The following KIF1B variants were observed in gnomAD, a reference collection of about 807,000 sequenced individuals.
KIF1B encodes kinesin-like protein KIF1B.
In KIF1B, 76 loss-of-function variants were observed where a neutral mutation model predicts 241.9. That is an observed-to-expected ratio of 0.31 (90% CI 0.26 to 0.38). The LOEUF (loss-of-function observed/expected upper bound fraction) is 0.38. Among genes scored for constraint, KIF1B ranks in the 10% least tolerant of loss-of-function variants. The pLI, the probability that KIF1B is intolerant of heterozygous loss-of-function variation, is 1.00. For missense variants in KIF1B, 1,622 were observed against 2,271.4 expected (o/e 0.71, Z 5.81); for synonymous variants, 750 against 796.7 (o/e 0.94, Z 0.99).
intron 5 of KIF1B, among the ~76,000 whole-genome samples, chr1:10,263,796 G>C (rs1312293189): frequency 6.6e-6 from 1 of 152,130 alleles, no homozygotes; most frequent in Non-Finnish European, 1.5e-5. Context: ...GGCTTAACTT[G>C]GAGTGGAGCA....
chr1:10,339,168 A>G (rs1469802701), intron 31 of KIF1B, among the ~76,000 whole-genome samples: 2 of 152,294 alleles, frequency 1.3e-5, no homozygotes, highest in East Asian at 1.9e-4. Flanking sequence ...AAATCTTTCC[A>G]GAGTATCTTC....
chr1:10,368,376 C>A, intron 43 of KIF1B, 91 bp from the exon 44 acceptor site: 1 of 1,030,728 alleles, frequency 9.7e-7, no homozygotes, highest in African/African-American at 1.6e-5. Flanking sequence ...GGGAACTCAG[C>A]CCTTCAGGAG....
intron 29 of KIF1B, 93 bp downstream of exon 29, chr1:10,336,835 G>A (rs1652198535): frequency 7.9e-7 from 1 of 1,269,148 alleles, no homozygotes; most frequent in Non-Finnish European, 1.2e-6. Context: ...GAAAAATACA[G>A]GGTGCTGGTT....
intron 2 of KIF1B, among the ~76,000 whole-genome samples, chr1:10,252,420 T>TTGC (rs1277836079): frequency 6.6e-6 from 1 of 151,450 alleles, no homozygotes; most frequent in Non-Finnish European, 1.5e-5. Context: ...GTTGTTGCTG[T>TTGC]TGTTACTTGA....
At chr1:10,250,851 A>G (rs186588170) in intron 2 of KIF1B, among the ~76,000 whole-genome samples, 1 of 152,012 alleles carries the variant, frequency 6.6e-6, no homozygotes, top group African/African-American at 2.4e-5. Flanking sequence ...TTAGTTGTTG[A>G]TAGAAGCAGT....
chr1:10,258,394 C>T, intron 3 of KIF1B, 99 bp from the exon 4 acceptor site: 1 of 1,266,830 alleles, frequency 7.9e-7, no homozygotes, highest in South Asian at 1.3e-5. Flanking sequence ...TTTTAGGTGA[C>T]TGTTCTGATT....
intron 2 of KIF1B, among the ~76,000 whole-genome samples, chr1:10,244,951 C>CGGAAA (rs1647189449): frequency 6.6e-6 from 1 of 152,138 alleles, no homozygotes. Flanking sequence ...GCTTTTAGAG[C>CGGAAA]GGAAGATTGT....
At position 10,342,040 on chromosome 1, in the gene KIF1B, T is replaced by A. The variant is rs1303469727; in HGVS notation, c.3514-10T>A. ...TCTTGTAATCTTTTCCTAATCTTGC[T>A]TGGCTTTAGATTGCAGTGGAGATCA... On this transcript the variant is annotated splice_polypyrimidine_tract_variant and intron_variant, in intron 32 of 48. Coordinates refer to ENST00000676179, the MANE Select transcript of KIF1B (RefSeq NM_001365951.3). 7.3e-6 allele frequency: 11 copies of A among 1,516,436 alleles called. No individual in the cohort carries two copies. The highest frequency in any genetic ancestry group is 1.0e-5 in the Non-Finnish European group (11 of 1,091,140). 93.9% of individuals were successfully genotyped at this position (1,516,436 alleles called of 1,614,324 possible). A position where few individuals can be genotyped will look rare whatever the true frequency, so the allele number is the denominator to read the frequency against.
chr1:10,271,665 A>G lies in KIF1B; in HGVS notation c.798+86A>G, dbSNP rs138190728. On this transcript the variant is annotated intron_variant, in intron 8 of 48. Transcript: ENST00000676179. ...TAAAATTTTATTGAAACACAGCTACATACATTTGTTTATGTATTGTCTATG... is the reference window on the plus strand; with the variant it reads ...TAAAATTTTATTGAAACACAGCTACGTACATTTGTTTATGTATTGTCTATG... 218 of 930,226 alleles carry G rather than the reference A, an allele frequency of 2.3e-4. No individual in the cohort carries two copies. The African/African-American group carries it at 3.0e-3, about 13-fold the overall frequency. 57.6% of individuals were successfully genotyped at this position (930,226 alleles called of 1,614,324 possible).
At chr1:10,342,199 G>A in intron 33 of KIF1B, 31 bp downstream of exon 33, 1 of 1,347,040 alleles carries the variant, frequency 7.4e-7, no homozygotes, top group Non-Finnish European at 1.1e-6. Context: ...CATTTTTGAT[G>A]GTATTGTTTT....
rs747870005 is a variant in KIF1B, at chr1:10,227,032, C to CTT, written c.-79-5197_-79-5196dup. 7.5e-3 allele frequency among the ~76,000 whole-genome samples: 849 copies of CTT among 112,860 alleles called. 12 individuals are homozygous for CTT. The highest frequency in any genetic ancestry group is 0.016 in the African/African-American group (457 of 29,360). The allele number at this position is 112,860 out of a possible 152,430, so 74.0% of individuals were successfully genotyped here. On this transcript the variant is annotated intron_variant, in intron 1 of 48. Coordinates refer to ENST00000676179, the MANE Select transcript of KIF1B (RefSeq NM_001365951.3). Reference sequence around the variant, plus strand: ...TGGTTGATAAATAACGCAAGTCTCTCTTTTTTTTTTTTTTTTTTTTTTGAG... The same window carrying CTT: ...TGGTTGATAAATAACGCAAGTCTCTCTTTTTTTTTTTTTTTTTTTTTTTTGAG...
intron 38 of KIF1B, among the ~76,000 whole-genome samples, chr1:10,356,871 G>A (rs1316658263): frequency 1.3e-5 from 2 of 151,522 alleles, no homozygotes; most frequent in Admixed American, 6.6e-5. Flanking sequence ...CTACACTCCA[G>A]CCTGGCGACA....
At chr1:10,217,253 C>T (rs990035303) in intron 1 of KIF1B, among the ~76,000 whole-genome samples, 4 of 151,526 alleles carry the variant, frequency 2.6e-5, no homozygotes, top group African/African-American at 7.3e-5. Flanking sequence ...GGATTACGGG[C>T]GTGACCCATT....
chr1:10,373,257 CTTTTT>C (rs35038013), intron 45 of KIF1B, among the ~76,000 whole-genome samples: 2 of 128,278 alleles, frequency 1.6e-5, no homozygotes. Context: ...CTGCGCCGGC[CTTTTT>C]TTTTTTTTTT....
At chr1:10,218,381 A>G (rs945500271) in intron 1 of KIF1B, among the ~76,000 whole-genome samples, 16 of 150,168 alleles carry the variant, frequency 1.1e-4, no homozygotes, top group Non-Finnish European at 2.4e-4. Flanking sequence ...TTTTCTGGCT[A>G]CTCACATGGC....
In KIF1B at chr1:10,275,168, T is replaced by A. The variant is rs556468730; in HGVS notation, c.883-260T>A. Among the ~76,000 whole-genome samples, 3 of 152,312 alleles carry A rather than the reference T, an allele frequency of 2.0e-5. No individual in the cohort carries two copies. The South Asian group carries it at 6.2e-4, about 32-fold the overall frequency. On this transcript the variant is annotated intron_variant, in intron 10 of 48. Transcript: ENST00000676179. ...TTTGGTAATGGTTGAAGCTGCACGTTGGGTATGGTAGCTCATTATACTGCT... is the reference window on the plus strand; with the variant it reads ...TTTGGTAATGGTTGAAGCTGCACGTAGGGTATGGTAGCTCATTATACTGCT...
At position 10,378,855 on chromosome 1, in the gene KIF1B, C is replaced by T. The variant is rs574858597; in HGVS notation, c.*2268C>T. On this transcript the variant is annotated 3_prime_UTR_variant, in exon 49 of 49. Coordinates refer to ENST00000676179, the MANE Select transcript of KIF1B (RefSeq NM_001365951.3). The stretch of plus-strand genomic sequence containing the variant: ...CTGCGTCTGCACCTGAAAAGTGACC[C>T]GCGGAAACTCTATGGCGGATTTTTT... 838 of 237,788 alleles carry T rather than the reference C, an allele frequency of 3.5e-3. 1 individual carries two copies. The highest frequency in any genetic ancestry group is 5.7e-3 in the Non-Finnish European group (691 of 120,858). 14.7% of individuals were successfully genotyped at this position (237,788 alleles called of 1,614,324 possible). A position where few individuals can be genotyped will look rare whatever the true frequency, so the allele number is the denominator to read the frequency against.
chr1:10,290,697 C>G (rs1339809534), intron 15 of KIF1B, among the ~76,000 whole-genome samples: 3 of 151,720 alleles, frequency 2.0e-5, no homozygotes, highest in African/African-American at 7.3e-5. Context: ...TGGTGAAACC[C>G]CGTCTCTACT....
intron 25 of KIF1B, 76 bp downstream of exon 25, chr1:10,324,138 C>G: frequency 7.3e-7 from 1 of 1,377,312 alleles, no homozygotes; most frequent in African/African-American, 1.4e-5. Flanking sequence ...CTCCCTCCAG[C>G]TCTCCTCTCT....
Sources: allele counts gnomAD v4.1 joint callset (sites outside exome capture counted in the v4.1 genomes callset), GRCh38; gene constraint gnomAD v4.1.1; transcripts MANE v1.5; gene names NCBI Gene and HGNC (gene_info 2026-07-23, HGNC 2026-07-21).